PCDHGA7: variants seen among roughly 807,000 people sequenced by gnomAD.
PCDHGA7 encodes protocadherin gamma subfamily A, 7.
A neutral mutation model predicts 58.3 loss-of-function variants in PCDHGA7; 44 were observed. The ratio of observed to expected loss-of-function variants is 0.75; its 90% CI spans 0.59 to 0.97. PCDHGA7 has a LOEUF of 0.97. Among genes scored for constraint, PCDHGA7 ranks in the 50% least tolerant of loss-of-function variants. PCDHGA7 has a pLI of 0.00. For missense variants in PCDHGA7, 1,266 were observed against 1,188.7 expected (o/e 1.06, Z -0.96); for synonymous variants, 516 against 504.2 (o/e 1.02, Z -0.31).
intron 1 of PCDHGA7, among the ~76,000 whole-genome samples, chr5:141,439,139 G>T (rs2098090438): frequency 6.6e-6 from 1 of 150,672 alleles, no homozygotes; most frequent in South Asian, 2.1e-4. Flanking sequence ...GTTGCAGTGA[G>T]CTGAGATCAC....
intron 1 of PCDHGA7, chr5:141,389,559 C>T (rs1388057704): frequency 1.2e-6 from 2 of 1,613,274 alleles, no homozygotes; most frequent in East Asian, 2.2e-5. Flanking sequence ...CAATGCGCCA[C>T]GGGTGCTGTA....
In PCDHGA7 at chr5:141,408,035, C is replaced by T. The variant is rs886766467; in HGVS notation, c.2424+22712C>T. On this transcript the variant is annotated intron_variant, in intron 1 of 3. Transcript: ENST00000518325. ...CAGCCAACAACAGAAAGAAGAAAAC[C>T]AGCTCCCACACAGAGCCTCCCGGCT... 7.1e-6 allele frequency: 8 copies of T among 1,130,910 alleles called. No homozygotes were observed. The African/African-American group carries it at 7.8e-5, about 11-fold the overall frequency. 70.1% of individuals were successfully genotyped at this position (1,130,910 alleles called of 1,614,324 possible).
At chr5:141,422,138 T>G (rs1201680879) in intron 1 of PCDHGA7, 1 of 1,587,640 alleles carries the variant, frequency 6.3e-7, no homozygotes, top group Admixed American at 1.9e-5. Context: ...GAAGTTCAAG[T>G]ACGGGGGTCT....
chr5:141,446,759 G>A (rs983129633), intron 1 of PCDHGA7, among the ~76,000 whole-genome samples: 5 of 152,026 alleles, frequency 3.3e-5, no homozygotes, highest in Admixed American at 1.3e-4. Flanking sequence ...GAGCCACCGC[G>A]CCCAGCCGGT....
intron 1 of PCDHGA7, chr5:141,415,573 G>T (rs375863243): frequency 1.9e-6 from 3 of 1,614,022 alleles, no homozygotes; most frequent in South Asian, 2.2e-5. Context: ...TTTGTTAGAT[G>T]ATTCGAAGTT....
intron 1 of PCDHGA7, among the ~76,000 whole-genome samples, chr5:141,448,784 C>CAA (rs576464275): frequency 4.8e-5 from 7 of 145,806 alleles, no homozygotes; most frequent in East Asian, 2.0e-4. Context: ...ACTAAAAATA[C>CAA]AAAAAAAAAA....
At chr5:141,433,363 CTA>C (rs2097590674) in intron 1 of PCDHGA7, 2 of 463,314 alleles carry the variant, frequency 4.3e-6, no homozygotes, top group African/African-American at 5.6e-5. Flanking sequence ...GTCTGCCTAT[CTA>C]TCTATCTATC....
Position 141,414,286 on chromosome 5 carries a change from G to T in PCDHGA7, c.2424+28963G>T, listed in dbSNP as rs2095728607. On this transcript the variant is annotated intron_variant, in intron 1 of 3. Transcript: ENST00000518325. Reference sequence around the variant, plus strand: ...AGATTCACCTCTGGGAACAGTCGTAGCCCTTTTAAATGTGCATGATTTAGA... The same window carrying T: ...AGATTCACCTCTGGGAACAGTCGTATCCCTTTTAAATGTGCATGATTTAGA... 1.2e-6 allele frequency: 2 copies of T among 1,613,466 alleles called. No homozygotes were observed. The highest frequency in any genetic ancestry group is 1.7e-6 in the Non-Finnish European group (2 of 1,179,778).
At chr5:141,388,064 G>A in intron 1 of PCDHGA7, 1 of 1,376,092 alleles carries the variant, frequency 7.3e-7, no homozygotes, top group South Asian at 1.3e-5. Context: ...GCGTCCAGGA[G>A]TTACCGACTC....
rs765809429 is a variant in PCDHGA7 at position 141,511,205 on chromosome 5, C to A, written c.*32C>A. On this transcript the variant is annotated 3_prime_UTR_variant, in exon 4 of 4. Coordinates refer to ENST00000518325, the MANE Select transcript of PCDHGA7 (RefSeq NM_018920.4). ...GGCCAGGCCAAGAGCCACAGGGCGGCCTCTCCCCAACCAGCCCAGCTTCTC... is the reference window on the plus strand; with the variant it reads ...GGCCAGGCCAAGAGCCACAGGGCGGACTCTCCCCAACCAGCCCAGCTTCTC... 4.3e-6 allele frequency: 7 copies of A among 1,611,426 alleles called. No homozygotes were observed. The Admixed American group carries it at 6.7e-5, about 15-fold the overall frequency.
Position 141,385,127 on chromosome 5 carries a change from T to C in PCDHGA7, c.2228T>C (p.Met743Thr). 1 of 1,614,222 alleles carries C rather than the reference T, an allele frequency of 6.2e-7. No individual in the cohort carries two copies. The change falls in exon 1 of 4, where the codon ATG becomes ACG. Residue 743 changes from methionine (M) to threonine (T), a missense_variant. Transcript: ENST00000518325. ...GTGCCCACCTCGCACTTTGTGGGCA[T>C]GGACGGGGTGCAGGCTTTCCTGCAG... ...ANVPTSHFVG[M>T]DGVQAFLQTY...
At chr5:141,408,111 C>A (rs1477598232) in intron 1 of PCDHGA7, 7 of 1,455,108 alleles carry the variant, frequency 4.8e-6, no homozygotes, top group African/African-American at 4.3e-5. Context: ...ACCCGGGACT[C>A]CTCCTGTCCT....
intron 1 of PCDHGA7, chr5:141,421,983 T>G: frequency 6.2e-7 from 1 of 1,609,228 alleles, no homozygotes; most frequent in Non-Finnish European, 8.5e-7. Context: ...GCGTGAGTGT[T>G]CCAGAAAACA....
intron 3 of PCDHGA7, among the ~76,000 whole-genome samples, chr5:141,509,751 A>T (rs1430265981): frequency 6.6e-6 from 1 of 151,998 alleles, no homozygotes; most frequent in Admixed American, 6.5e-5. Flanking sequence ...CCTGTGCCTA[A>T]AGTGTCCCTG....
Position 141,486,335 on chromosome 5 carries a change from C to T in PCDHGA7, c.2425-8472C>T, listed in dbSNP as rs762408704. ...AGGGTCAAACGGAGATGTGAGCCTC[C>T]GCATTCCTGACCACTTGCCATTTGC... On this transcript the variant is annotated intron_variant, in intron 1 of 3. Transcript: ENST00000518325. The surrounding 1 kb of genome is among the most constrained non-coding windows in gnomAD (Gnocchi z 5.0). 6.2e-6 allele frequency: 10 copies of T among 1,613,936 alleles called. No individual in the cohort carries two copies. Among genetic ancestry groups the T allele is most frequent in the Middle Eastern group, 1.6e-4 (1 of 6,082 alleles).
intron 1 of PCDHGA7, among the ~76,000 whole-genome samples, chr5:141,456,406 G>A (rs1038971451): frequency 2.0e-5 from 3 of 152,080 alleles, no homozygotes; most frequent in South Asian, 2.1e-4. Flanking sequence ...GCTTCTAGGC[G>A]AGAAGAAACA....
intron 1 of PCDHGA7, chr5:141,395,524 T>G (rs1312171320): frequency 5.1e-6 from 2 of 392,258 alleles, no homozygotes; most frequent in Non-Finnish European, 9.1e-6. Flanking sequence ...CCGTCCATAC[T>G]GGTAATTTTG....
At chr5:141,403,157 A>G in intron 1 of PCDHGA7, 3 of 1,614,030 alleles carry the variant, frequency 1.9e-6, no homozygotes, top group Non-Finnish European at 8.5e-7. Context: ...CATCGTCTCT[A>G]GAGGTAGGAC....
At position 141,393,662 on chromosome 5, in the gene PCDHGA7, A is replaced by T. The variant is rs1442061423; in HGVS notation, c.2424+8339A>T. The T allele has an allele frequency of 8.7e-6, 14 of 1,613,816 alleles. No individual in the cohort carries two copies. In the Admixed American group the frequency reaches 2.3e-4, roughly 27 times the overall value. On this transcript the variant is annotated intron_variant, in intron 1 of 3. Transcript: ENST00000518325. ...GAAAAGTGGCATACAAATTCCGGAAAATTAATGAAAAACAAACTCCGTTAT... is the reference window on the plus strand; with the variant it reads ...GAAAAGTGGCATACAAATTCCGGAATATTAATGAAAAACAAACTCCGTTAT...
Sources: gnomAD v4.1 joint callset for allele counts (sites outside exome capture counted in the v4.1 genomes callset) on GRCh38, gnomAD v4.1.1 for gene constraint, Gnocchi (gnomAD v3.1) non-coding constraint, MANE v1.5 for transcripts, NCBI Gene and HGNC (gene_info 2026-07-23, HGNC 2026-07-21) for gene names.